The following PRKRIP1 variants were observed in gnomAD, a reference collection of about 807,000 sequenced individuals.
PRKRIP1 encodes PRKR interacting protein 1.
In PRKRIP1, 29 loss-of-function variants were observed where a neutral mutation model predicts 29.3. The observed-to-expected ratio is 0.99, with a 90% CI of 0.74 to 1.35. The LOEUF is 1.35. Among genes scored for constraint, PRKRIP1 ranks in the 40% most tolerant of loss-of-function variants. The pLI is 0.00. For synonymous variants in PRKRIP1, 90 were observed against 85.1 expected, an observed-to-expected ratio of 1.06 and a Z score of -0.32; for missense variants, 247 against 236.8, an observed-to-expected ratio of 1.04 and a Z score of -0.28.
At chr7:102,420,992 C>T (rs944830643) in intron 5 of PRKRIP1, among the ~76,000 whole-genome samples, 10 of 152,172 alleles carry the variant, frequency 6.6e-5, no homozygotes, top group Non-Finnish European at 1.0e-4. Flanking sequence ...AGGTTCCCCA[C>T]GATGCCCCAC....
Position 102,425,294 on chromosome 7 carries a change from T to C in PRKRIP1, c.*183T>C. 1 of 1,250,356 alleles carries C rather than the reference T, an allele frequency of 8.0e-7. No individual in the cohort carries two copies. The highest frequency in any genetic ancestry group is 1.1e-6 in the Non-Finnish European group (1 of 914,738). 77.5% of individuals were successfully genotyped at this position (1,250,356 alleles called of 1,614,324 possible). ...AGGTTTGGGAGCCTGAGGGGCCATC[T>C]CCCTGACACTCAGAGGCACTGCCTT... On this transcript the variant is annotated 3_prime_UTR_variant, in exon 6 of 6. Transcript: ENST00000397912.
chr7:102,421,653 C>T (rs1044067819), intron 5 of PRKRIP1, among the ~76,000 whole-genome samples: 8 of 152,072 alleles, frequency 5.3e-5, no homozygotes, highest in African/African-American at 1.4e-4. Context: ...AAAAATTAGC[C>T]GGGTGTAGTG....
intron 1 of PRKRIP1, 72 bp downstream of exon 1, chr7:102,396,609 G>C (rs1795905623): frequency 6.6e-7 from 1 of 1,507,516 alleles, no homozygotes; most frequent in East Asian, 2.5e-5. Flanking sequence ...CAGGGTTCCC[G>C]CAGGTCCACC....
intron 5 of PRKRIP1, among the ~76,000 whole-genome samples, chr7:102,409,974 T>G (rs1005910483): frequency 6.6e-6 from 1 of 152,178 alleles, no homozygotes; most frequent in Non-Finnish European, 1.5e-5. Context: ...ACCTGTATTC[T>G]TTGTTGTGTT....
At position 102,420,395 on chromosome 7, in the gene PRKRIP1, G is replaced by A. The variant is rs1299052849; in HGVS notation, c.458-4619G>A. On this transcript the variant is annotated intron_variant, in intron 5 of 5. Coordinates refer to ENST00000397912, the MANE Select transcript of PRKRIP1 (RefSeq NM_024653.4). ...TCCTTCTCAGCACTTGGTATTGTCC[G>A]TTTTTTGAATTTGAGCCATCCTAAT... Among the ~76,000 whole-genome samples, 13 of 152,218 alleles carry A rather than the reference G, an allele frequency of 8.5e-5. No homozygotes were observed. The South Asian group carries it at 1.2e-3, about 15-fold the overall frequency.
In PRKRIP1 at chr7:102,426,074, C is replaced by T. The variant is rs1409073671; in HGVS notation, c.*963C>T. On this transcript the variant is annotated 3_prime_UTR_variant, in exon 6 of 6. Transcript: ENST00000397912. ...CTCATGTGGCGCAGCCTCAAACTGG[C>T]ATCCAGGCACTGGGCCCATGCAGAG... is the stretch of plus-strand genomic sequence containing the variant. 2 of 152,928 alleles carry T rather than the reference C, an allele frequency of 1.3e-5. No homozygotes were observed. The highest frequency in any genetic ancestry group is 2.4e-5 in the African/African-American group (1 of 41,472). 9.5% of individuals were successfully genotyped at this position (152,928 alleles called of 1,614,324 possible).
At chr7:102,421,886 G>A (rs1796702510) in intron 5 of PRKRIP1, among the ~76,000 whole-genome samples, 1 of 151,926 alleles carries the variant, frequency 6.6e-6, no homozygotes, top group South Asian at 2.1e-4. Flanking sequence ...TTTAGCAGCC[G>A]ATCCAGGTGT....
chr7:102,410,901 G>A (rs1158353450), intron 5 of PRKRIP1, among the ~76,000 whole-genome samples: 1 of 152,060 alleles, frequency 6.6e-6, no homozygotes, highest in Non-Finnish European at 1.5e-5. Flanking sequence ...TTGGATTCAA[G>A]GCTACCATTT....
intron 3 of PRKRIP1, chr7:102,404,351 A>G (rs913806210): frequency 4.7e-6 from 2 of 424,372 alleles, no homozygotes; most frequent in African/African-American, 4.0e-5. Context: ...TGTCTCCTAT[A>G]TTGTGCTATG....
chr7:102,424,058 C>T (rs1796774371), intron 5 of PRKRIP1, among the ~76,000 whole-genome samples: 1 of 152,274 alleles, frequency 6.6e-6, no homozygotes, highest in Admixed American at 6.5e-5. Flanking sequence ...CTTCCAGATG[C>T]TTTCGCCAGC....
intron 3 of PRKRIP1, among the ~76,000 whole-genome samples, chr7:102,403,464 A>G (rs1248490120): frequency 2.6e-5 from 4 of 152,150 alleles, no homozygotes; most frequent in Admixed American, 6.5e-5. Context: ...AAGAGATGAC[A>G]CTTTGAATCA....
chr7:102,401,447 TG>T (rs1320154125), intron 3 of PRKRIP1, among the ~76,000 whole-genome samples: 1 of 152,164 alleles, frequency 6.6e-6, no homozygotes, highest in African/African-American at 2.4e-5. Flanking sequence ...AATTCTGCTT[TG>T]GGGGGCCAGC....
intron 4 of PRKRIP1, among the ~76,000 whole-genome samples, chr7:102,407,120 C>T (rs1796249506): frequency 6.6e-6 from 1 of 151,150 alleles, no homozygotes; most frequent in African/African-American, 2.4e-5. Flanking sequence ...GAGGCCGAGG[C>T]AGGAGAATGG....
intron 5 of PRKRIP1, among the ~76,000 whole-genome samples, chr7:102,421,866 G>C (rs1796701911): frequency 6.6e-6 from 1 of 151,872 alleles, no homozygotes; most frequent in Admixed American, 6.6e-5. Context: ...TTGAAAGCCT[G>C]TTGTTACCAT....
chr7:102,403,890 G>T (rs1554571496), intron 3 of PRKRIP1, among the ~76,000 whole-genome samples: 1 of 152,164 alleles, frequency 6.6e-6, no homozygotes, highest in African/African-American at 2.4e-5. Flanking sequence ...TCATTTGGTG[G>T]CTGGGCACAG....
intron 4 of PRKRIP1, among the ~76,000 whole-genome samples, chr7:102,406,373 T>G (rs1256035359): frequency 6.6e-6 from 1 of 152,148 alleles, no homozygotes; most frequent in Non-Finnish European, 1.5e-5. Flanking sequence ...AATCCACTTT[T>G]CATCACATGT....
chr7:102,398,936 A>G (rs1183120172), intron 2 of PRKRIP1, among the ~76,000 whole-genome samples: 2 of 152,132 alleles, frequency 1.3e-5, no homozygotes, highest in African/African-American at 4.8e-5. Context: ...AGCCTGGGCA[A>G]CACAGGAAGA....
intron 3 of PRKRIP1, among the ~76,000 whole-genome samples, chr7:102,403,159 G>T (rs1218660515): frequency 6.6e-6 from 1 of 152,174 alleles, no homozygotes; most frequent in African/African-American, 2.4e-5. Flanking sequence ...ACAGGAGTGA[G>T]CCACCGCACC....
At chr7:102,407,592 G>A in intron 5 of PRKRIP1, 94 bp downstream of exon 5, 1 of 884,846 alleles carries the variant, frequency 1.1e-6, no homozygotes, top group South Asian at 1.4e-5. Context: ...GAGAGTTTGG[G>A]CTGGTTGGCT....
Sources: gnomAD v4.1 joint callset for allele counts (sites outside exome capture counted in the v4.1 genomes callset) on GRCh38, gnomAD v4.1.1 for gene constraint, MANE v1.5 for transcripts, NCBI Gene and HGNC (gene_info 2026-07-23, HGNC 2026-07-21) for gene names.